GPBP1L1: variants seen among roughly 807,000 people sequenced by gnomAD.
GPBP1L1 encodes the protein GC-rich promoter binding protein 1 like 1, also known as vasculin-like protein 1.
GPBP1L1 carries 23 observed loss-of-function variants against 52.5 expected under a neutral mutation model. That is an observed-to-expected ratio of 0.44 (90% CI 0.32 to 0.62). The LOEUF is 0.62. Ranked by LOEUF, GPBP1L1 falls within the 20% of genes least tolerant of loss-of-function variation. The probability of loss-of-function intolerance (pLI) is 0.06; values close to 1 mark genes in which losing one functional copy is unlikely to be tolerated. For synonymous variants in GPBP1L1, 243 were observed against 203.1 expected (o/e 1.20, Z -1.67); for missense variants, 596 against 579.3 (o/e 1.03, Z -0.30).
intron 11 of GPBP1L1, 142 bp from the exon 12 acceptor site, chr1:45,629,820 A>G: frequency 1.6e-6 from 1 of 623,488 alleles, no homozygotes; most frequent in South Asian, 1.9e-5. Context: ...CTGTGGGACA[A>G]GCTTTAATTG....
At chr1:45,671,740 C>T (rs192277819) in intron 2 of GPBP1L1, among the ~76,000 whole-genome samples, 13 of 152,202 alleles carry the variant, frequency 8.5e-5, no homozygotes, top group African/African-American at 3.1e-4. Context: ...GGGAGAATTG[C>T]TTGAACCTGG....
intron 6 of GPBP1L1, 78 bp from the exon 7 acceptor site, chr1:45,642,577 G>A: frequency 1.0e-6 from 1 of 973,214 alleles, no homozygotes; most frequent in South Asian, 1.3e-5. Flanking sequence ...CCATCACCAT[G>A]GAACCTATCA....
chr1:45,632,630 C>T (rs759197066), intron 10 of GPBP1L1, among the ~76,000 whole-genome samples: 9 of 152,066 alleles, frequency 5.9e-5, no homozygotes, highest in Non-Finnish European at 1.2e-4. Flanking sequence ...GCAGGAGAAT[C>T]GCTTGAACCC....
chr1:45,664,561 C>T (rs1019294934), intron 2 of GPBP1L1, among the ~76,000 whole-genome samples: 1 of 151,874 alleles, frequency 6.6e-6, no homozygotes, highest in East Asian at 1.9e-4. Flanking sequence ...CAAGACTCTG[C>T]CTCAAATAAA....
At chr1:45,641,122 C>G (rs1402352579) in intron 7 of GPBP1L1, among the ~76,000 whole-genome samples, 5 of 151,254 alleles carry the variant, frequency 3.3e-5, no homozygotes, top group Non-Finnish European at 1.5e-5. Flanking sequence ...ATGAAACCCT[C>G]TGATGAGGCA....
chr1:45,633,185 T>C (rs563999957), intron 10 of GPBP1L1, among the ~76,000 whole-genome samples: 4 of 152,236 alleles, frequency 2.6e-5, no homozygotes, highest in Non-Finnish European at 5.9e-5. Context: ...GTTGAACTTA[T>C]GCCAGCACAA....
intron 5 of GPBP1L1, 149 bp from the exon 6 acceptor site, chr1:45,654,978 G>C (rs1298634285): frequency 9.9e-7 from 1 of 1,012,102 alleles, no homozygotes; most frequent in Non-Finnish European, 1.4e-6. Context: ...GGTAATTTCT[G>C]AAATCAGTTC....
chr1:45,658,847 C>T, intron 4 of GPBP1L1, 181 bp downstream of exon 4: 1 of 570,350 alleles, frequency 1.8e-6, no homozygotes. Context: ...GGAGCTGAGT[C>T]AGGAGGACTG....
intron 10 of GPBP1L1, 37 bp from the exon 11 acceptor site, chr1:45,630,643 G>A (rs1183072067): frequency 1.2e-6 from 2 of 1,609,142 alleles, no homozygotes; most frequent in Non-Finnish European, 1.7e-6. Context: ...GTTGGTTTAA[G>A]GTTCCTTTGT....
At chr1:45,653,456 A>G (rs1644844036) in intron 6 of GPBP1L1, among the ~76,000 whole-genome samples, 1 of 152,246 alleles carries the variant, frequency 6.6e-6, no homozygotes, top group South Asian at 2.1e-4. Flanking sequence ...CCTGGGCTCA[A>G]GTAATCCTCC....
At chr1:45,650,010 T>C (rs889664732) in intron 6 of GPBP1L1, among the ~76,000 whole-genome samples, 1 of 152,258 alleles carries the variant, frequency 6.6e-6, no homozygotes, top group African/African-American at 2.4e-5. Context: ...TCTTGCCTTA[T>C]TGTACTTGTT....
intron 6 of GPBP1L1, among the ~76,000 whole-genome samples, chr1:45,646,378 C>A (rs186281860): frequency 2.0e-5 from 3 of 152,266 alleles, no homozygotes; most frequent in African/African-American, 7.2e-5. Context: ...CACAGTCTAT[C>A]TGGTTTTCTT....
At chr1:45,686,671 G>C (rs1348621588), upstream of GPBP1L1, 4 of 152,172 alleles carry the variant, frequency 2.6e-5, no homozygotes, top group Non-Finnish European at 4.4e-5. Context: ...CTGCTCCGGC[G>C]ACCCTCCCGG....
chr1:45,638,028 G>T (rs1346942662), intron 8 of GPBP1L1, among the ~76,000 whole-genome samples: 1 of 152,192 alleles, frequency 6.6e-6, no homozygotes, highest in Non-Finnish European at 1.5e-5. Flanking sequence ...TCCATGCTCA[G>T]CTGTTTCTTT....
intron 2 of GPBP1L1, among the ~76,000 whole-genome samples, chr1:45,664,320 CA>C (rs1052816610): frequency 6.7e-6 from 1 of 148,902 alleles, no homozygotes; most frequent in Admixed American, 6.7e-5. Flanking sequence ...GACTCCGTCT[CA>C]AAAAAAAGGC....
intron 8 of GPBP1L1, among the ~76,000 whole-genome samples, chr1:45,638,456 CT>C (rs1557697419): frequency 6.6e-6 from 1 of 152,220 alleles, no homozygotes; most frequent in African/African-American, 2.4e-5. Flanking sequence ...CTTGTTACCC[CT>C]GTTGCTATTG....
At chr1:45,675,176 A>C (rs1398883872) in intron 2 of GPBP1L1, among the ~76,000 whole-genome samples, 1 of 152,124 alleles carries the variant, frequency 6.6e-6, no homozygotes, top group Non-Finnish European at 1.5e-5. Flanking sequence ...GCATGCCTGT[A>C]GTCCCAGCTA....
intron 8 of GPBP1L1, among the ~76,000 whole-genome samples, chr1:45,636,657 C>A (rs1030490886): frequency 6.6e-6 from 1 of 152,166 alleles, no homozygotes; most frequent in African/African-American, 2.4e-5. Flanking sequence ...TTTTAAACGT[C>A]CACTTACTGG....
chr1:45,654,527 A>G lies in GPBP1L1; in HGVS notation c.477+16T>C, dbSNP rs757894075. On this transcript the variant is annotated intron_variant, in intron 6 of 12. Coordinates refer to ENST00000355105, the MANE Select transcript of GPBP1L1 (RefSeq NM_021639.5). ...TTTGTTGGCTTCTAACCACACATCTAAAGATTCATACTTACAAAGTCCTCC... is the reference window on the plus strand; with the variant it reads ...TTTGTTGGCTTCTAACCACACATCTGAAGATTCATACTTACAAAGTCCTCC... 1.3e-6 allele frequency: 2 copies of G among 1,591,518 alleles called. No homozygotes were observed. Among genetic ancestry groups the G allele is most frequent in the African/African-American group, 2.7e-5 (2 of 74,290 alleles).
Sources: gnomAD v4.1 joint callset for allele counts (sites outside exome capture counted in the v4.1 genomes callset) on GRCh38, gnomAD v4.1.1 for gene constraint, MANE v1.5 for transcripts, NCBI Gene and HGNC (gene_info 2026-07-23, HGNC 2026-07-21) for gene names.